Variants in TAF1B observed in about 807,000 individuals in gnomAD.
TAF1B encodes the protein TATA-box binding protein associated factor, RNA polymerase I subunit B.
TAF1B carries 61 observed loss-of-function variants against 83.9 expected under a neutral mutation model. The ratio of observed to expected loss-of-function variants is 0.73; its 90% CI spans 0.59 to 0.90. The LOEUF (loss-of-function observed/expected upper bound fraction) is 0.90. Ranked by LOEUF, TAF1B falls within the 40% of genes least tolerant of loss-of-function variation. The pLI, the probability that TAF1B is intolerant of heterozygous loss-of-function variation, is 0.00. For synonymous variants in TAF1B, 221 were observed against 224.6 expected (o/e 0.98, Z 0.14); for missense variants, 625 against 677.0 (o/e 0.92, Z 0.85).
At chr2:9,871,380 C>T (rs930919549) in intron 6 of TAF1B, among the ~76,000 whole-genome samples, 2 of 152,072 alleles carry the variant, frequency 1.3e-5, no homozygotes, top group African/African-American at 4.8e-5. Context: ...CTGTGCCTGG[C>T]CAGGATCTCT....
intron 8 of TAF1B, among the ~76,000 whole-genome samples, chr2:9,892,776 T>G (rs1350677968): frequency 6.6e-6 from 1 of 152,178 alleles, no homozygotes; most frequent in Non-Finnish European, 1.5e-5. Context: ...TTGGATATTA[T>G]CCAGCAGTAG....
intron 5 of TAF1B, among the ~76,000 whole-genome samples, chr2:9,866,511 T>G (rs1456215803): frequency 6.6e-6 from 1 of 152,142 alleles, no homozygotes; most frequent in Non-Finnish European, 1.5e-5. Context: ...GTTCAACCAT[T>G]GTGGAAGTCA....
rs34951709 is a variant in TAF1B, at chr2:9,859,386, A to ATT, written c.399+4982_399+4983dup. 5.2e-3 allele frequency among the ~76,000 whole-genome samples: 691 copies of ATT among 133,424 alleles called. 8 individuals carry two copies. Among genetic ancestry groups the ATT allele is most frequent in the African/African-American group, 0.015 (529 of 36,154 alleles). 87.5% of individuals were successfully genotyped at this position (133,424 alleles called of 152,430 possible). A position where few individuals can be genotyped will look rare whatever the true frequency, so the allele number is the denominator to read the frequency against. On this transcript the variant is annotated intron_variant, in intron 5 of 14. Coordinates refer to ENST00000263663, the MANE Select transcript of TAF1B (RefSeq NM_005680.3). ...CTTCATTGTCCATATCACTATCAGC[A>ATT]TTTTTTTTTTTTTTTTTTGAGATAG...
At chr2:9,855,062 T>G (rs1366913594) in intron 5 of TAF1B, among the ~76,000 whole-genome samples, 2 of 152,200 alleles carry the variant, frequency 1.3e-5, no homozygotes, top group East Asian at 3.8e-4. Context: ...TGGCGCCATC[T>G]TGGCTCACTG....
At chr2:9,846,991 T>C (rs1190646503) in intron 2 of TAF1B, among the ~76,000 whole-genome samples, 1 of 152,234 alleles carries the variant, frequency 6.6e-6, no homozygotes, top group East Asian at 1.9e-4. Flanking sequence ...AGATTATGTC[T>C]AATGGAGTAT....
At chr2:9,845,348 C>T in intron 2 of TAF1B, 30 bp downstream of exon 2, 1 of 1,589,868 alleles carries the variant, frequency 6.3e-7, no homozygotes, top group African/African-American at 1.3e-5. Context: ...TATGAATTTG[C>T]TTATGTTTTA....
chr2:9,930,930 CTTT>C (rs766524908), intron 14 of TAF1B, among the ~76,000 whole-genome samples: 8 of 152,124 alleles, frequency 5.3e-5, no homozygotes, highest in Non-Finnish European at 1.2e-4. Context: ...TAATGGCCTT[CTTT>C]ATTTCTTTTG....
chr2:9,892,729 G>T (rs564959352), intron 8 of TAF1B, among the ~76,000 whole-genome samples: 2 of 151,768 alleles, frequency 1.3e-5, no homozygotes, highest in South Asian at 2.1e-4. Context: ...GAGTTATGCT[G>T]CAGTGAACCC....
intron 9 of TAF1B, among the ~76,000 whole-genome samples, chr2:9,905,344 A>T (rs1191857475): frequency 6.6e-6 from 1 of 152,204 alleles, no homozygotes; most frequent in Non-Finnish European, 1.5e-5. Context: ...CCTCCATCCC[A>T]AAACGGCACT....
chr2:9,849,433 C>T lies in TAF1B; in HGVS notation c.178C>T (p.Arg60Trp). The T allele has an allele frequency of 1.3e-6, 2 of 1,579,324 alleles. No homozygotes were observed. The highest frequency in any genetic ancestry group is 1.7e-6 in the Non-Finnish European group (2 of 1,165,410). ...IPNTQIKALN[R>W]GLKKKNNTEK... is the part of the protein sequence containing the mutation. ...TAATACCCAAATAAAAGCCCTCAAC[C>T]GGGGGCTTAAAAAAAAAAACAATAC... is the stretch of plus-strand genomic sequence containing the variant. The change falls in exon 3 of 15, where the codon CGG becomes TGG. Residue 60 changes from arginine (R) to tryptophan (W), a missense_variant. By Grantham distance (101) the Arg-to-Trp change is moderately radical (BLOSUM62 -3). Coordinates refer to ENST00000263663, the MANE Select transcript of TAF1B (RefSeq NM_005680.3).
chr2:9,859,035 C>T (rs1663661001), intron 5 of TAF1B, among the ~76,000 whole-genome samples: 1 of 152,182 alleles, frequency 6.6e-6, no homozygotes, highest in African/African-American at 2.4e-5. Flanking sequence ...AATGGGTTTT[C>T]CTTTTTTACC....
chr2:9,865,319 A>T (rs564679846), intron 5 of TAF1B, among the ~76,000 whole-genome samples: 1 of 152,368 alleles, frequency 6.6e-6, no homozygotes, highest in East Asian at 1.9e-4. Context: ...GAGCCAAATC[A>T]TGAGTGAACT....
intron 5 of TAF1B, among the ~76,000 whole-genome samples, chr2:9,858,371 A>G (rs547767597): frequency 5.5e-4 from 83 of 152,178 alleles, no homozygotes; most frequent in Non-Finnish European, 9.1e-4. Context: ...TCTGCAGGGT[A>G]CAGCCCCCAA....
chr2:9,891,186 C>G (rs768896714), intron 8 of TAF1B, among the ~76,000 whole-genome samples: 8 of 152,200 alleles, frequency 5.3e-5, no homozygotes, highest in Non-Finnish European at 1.0e-4. Context: ...CTGAAAAATT[C>G]CTGTCACCTA....
chr2:9,889,095 A>C (rs1482063245), intron 8 of TAF1B, among the ~76,000 whole-genome samples: 1 of 150,274 alleles, frequency 6.7e-6, no homozygotes, highest in East Asian at 2.0e-4. Context: ...GAGCCACTGC[A>C]CCCAGCCTTC....
chr2:9,883,498 G>A (rs1225219780), intron 8 of TAF1B, among the ~76,000 whole-genome samples: 1 of 152,144 alleles, frequency 6.6e-6, no homozygotes, highest in Non-Finnish European at 1.5e-5. Flanking sequence ...TTTGATGAAG[G>A]GTAACCTCTA....
intron 9 of TAF1B, among the ~76,000 whole-genome samples, chr2:9,909,676 G>A (rs1665463577): frequency 6.6e-6 from 1 of 152,302 alleles, no homozygotes; most frequent in Middle Eastern, 3.4e-3. Context: ...GAAGAAAGGG[G>A]ATGGATTGGA....
rs1374262368 is a variant in TAF1B, at chr2:9,907,235, G to A, written c.955+2229G>A. ...AAAATAGATCTACAAATTAAGTTAC[G>A]ATAGTCCCTATACCTTAGGATGTAG... On this transcript the variant is annotated intron_variant, in intron 9 of 14. Transcript: ENST00000263663. Among the ~76,000 whole-genome samples, 5 of 150,260 alleles carry A rather than the reference G, an allele frequency of 3.3e-5. No homozygotes were observed. The East Asian group carries it at 5.8e-4, about 18-fold the overall frequency.
At chr2:9,892,165 C>T (rs1016438439) in intron 8 of TAF1B, among the ~76,000 whole-genome samples, 1 of 152,254 alleles carries the variant, frequency 6.6e-6, no homozygotes, top group South Asian at 2.1e-4. Context: ...TACATAAATA[C>T]TTGCCATTGT....
Sources: gnomAD v4.1 joint callset for allele counts (sites outside exome capture counted in the v4.1 genomes callset) on GRCh38, gnomAD v4.1.1 for gene constraint, MANE v1.5 for transcripts, NCBI Gene and HGNC (gene_info 2026-07-23, HGNC 2026-07-21) for gene names.